Variants in TENM3 observed in about 807,000 individuals in gnomAD.
TENM3 encodes teneurin transmembrane protein 3, also known as teneurin-3.
TENM3 carries 63 observed loss-of-function variants against 255.1 expected under a neutral mutation model. That is an observed-to-expected ratio of 0.25 (90% confidence interval 0.20 to 0.30). TENM3 has a LOEUF of 0.30. TENM3 is among the 10% of genes least tolerant of loss of function. The pLI is 1.00. For synonymous variants in TENM3, 1,306 were observed against 1,322.3 expected (o/e 0.99, Z 0.27); for missense variants, 2,929 against 3,461.1 (o/e 0.85, Z 3.86).
intron 1 of TENM3, chr4:182,144,760 T>TGCG (rs1263155597): frequency 1.4e-5 from 2 of 146,882 alleles, no homozygotes; most frequent in Non-Finnish European, 3.0e-5. Flanking sequence ...GCGCGGTAAG[T>TGCG]GCGGCGCCGC....
intron 1 of TENM3, among the ~76,000 whole-genome samples, chr4:182,321,390 C>T (rs1267297851): frequency 6.6e-6 from 1 of 152,070 alleles, no homozygotes; most frequent in Non-Finnish European, 1.5e-5. Flanking sequence ...CTTTGAGAGG[C>T]CAAGGCAGGT....
chr4:181,863,008 C>T, the TENM3 span, among the ~76,000 whole-genome samples: 38 of 152,074 alleles, frequency 2.5e-4, no homozygotes, highest in Non-Finnish European at 4.4e-4. Context: ...TTCACAAATA[C>T]GCATGAAAAA....
chr4:182,370,098 A>G (rs1473012182), intron 3 of TENM3, among the ~76,000 whole-genome samples: 2 of 152,198 alleles, frequency 1.3e-5, no homozygotes, highest in Non-Finnish European at 2.9e-5. Flanking sequence ...TAAGACTACA[A>G]AGCTAATTTT....
chr4:182,031,391 C>T, the TENM3 span, among the ~76,000 whole-genome samples: 1 of 152,162 alleles, frequency 6.6e-6, no homozygotes, highest in African/African-American at 2.4e-5. Context: ...TCTGAGTTCT[C>T]TTTTCTGTTC....
chr4:181,626,083 A>G, the TENM3 span, among the ~76,000 whole-genome samples: 248 of 152,332 alleles, frequency 1.6e-3, 3 homozygotes, highest in Non-Finnish European at 1.2e-3. Flanking sequence ...TAACTTTGCA[A>G]AACTTTGCCA....
intron 22 of TENM3, among the ~76,000 whole-genome samples, chr4:182,771,534 T>C (rs371107702): frequency 5.3e-5 from 8 of 151,612 alleles, no homozygotes; most frequent in African/African-American, 1.5e-4. Context: ...AGAATTCTCC[T>C]ATGTAGAGGC....
At chr4:182,724,276 A>G (rs182588403) in intron 13 of TENM3, among the ~76,000 whole-genome samples, 5 of 152,356 alleles carry the variant, frequency 3.3e-5, no homozygotes, top group Admixed American at 1.3e-4. Flanking sequence ...TTGAGAAGCT[A>G]TTCCACAAAG....
intron 2 of TENM3, among the ~76,000 whole-genome samples, chr4:182,327,965 T>G (rs1763516442): frequency 6.6e-6 from 1 of 152,272 alleles, no homozygotes; most frequent in African/African-American, 2.4e-5. Context: ...GACCAAACAC[T>G]TATCAATTCC....
At chr4:182,762,566 T>C (rs539239658) in intron 22 of TENM3, among the ~76,000 whole-genome samples, 1 of 152,346 alleles carries the variant, frequency 6.6e-6, no homozygotes, top group African/African-American at 2.4e-5. Context: ...CATCTGTGGC[T>C]CATTCCTCTG....
At chr4:182,450,960 ACC>A (rs1307215851) in intron 3 of TENM3, among the ~76,000 whole-genome samples, 2 of 152,200 alleles carry the variant, frequency 1.3e-5, no homozygotes, top group Non-Finnish European at 2.9e-5. Flanking sequence ...TAGTTTCTTA[ACC>A]TGTTGTATTG....
chr4:182,508,715 A>T (rs1019582909), intron 3 of TENM3, among the ~76,000 whole-genome samples: 5 of 152,210 alleles, frequency 3.3e-5, no homozygotes, highest in Non-Finnish European at 7.3e-5. Flanking sequence ...GTGCAGTTAA[A>T]TAAATGATGA....
the TENM3 span, among the ~76,000 whole-genome samples, chr4:181,993,044 A>G: frequency 1.3e-5 from 2 of 152,134 alleles, no homozygotes; most frequent in African/African-American, 2.4e-5. Context: ...ATGATGTTAG[A>G]CACCAGCATT....
At chr4:181,486,574 G>A in the TENM3 span, among the ~76,000 whole-genome samples, 3 of 152,290 alleles carry the variant, frequency 2.0e-5, no homozygotes, top group East Asian at 5.8e-4. Context: ...AATAGGACAA[G>A]TTAGGTCTTT....
intron 11 of TENM3, among the ~76,000 whole-genome samples, chr4:182,683,056 A>G (rs1756295857): frequency 6.6e-6 from 1 of 152,176 alleles, no homozygotes; most frequent in Non-Finnish European, 1.5e-5. Context: ...GGGTAAGGGT[A>G]TAATTTTTGG....
At chr4:181,748,070 A>G in the TENM3 span, among the ~76,000 whole-genome samples, 2 of 151,882 alleles carry the variant, frequency 1.3e-5, no homozygotes, top group Non-Finnish European at 2.9e-5. Context: ...CTCCTTATTT[A>G]CTGCTTTCTC....
intron 5 of TENM3, among the ~76,000 whole-genome samples, chr4:182,633,997 T>C (rs1178561267): frequency 6.6e-6 from 1 of 152,174 alleles, no homozygotes; most frequent in East Asian, 1.9e-4. Context: ...ATGCACGTCC[T>C]GATTTAGCAG....
At chr4:181,795,882 G>A in the TENM3 span, among the ~76,000 whole-genome samples, 3 of 152,142 alleles carry the variant, frequency 2.0e-5, no homozygotes, top group African/African-American at 7.2e-5. Flanking sequence ...GTTTTAGATA[G>A]ATGTCTCTGG....
At chr4:181,827,531 A>G in the TENM3 span, among the ~76,000 whole-genome samples, 3 of 152,252 alleles carry the variant, frequency 2.0e-5, no homozygotes, top group South Asian at 6.2e-4. Context: ...ACATGCAACA[A>G]ATTCTTTGTT....
At chr4:182,089,176 A>G in the TENM3 span, among the ~76,000 whole-genome samples, 2 of 152,230 alleles carry the variant, frequency 1.3e-5, no homozygotes, top group Non-Finnish European at 1.5e-5. Flanking sequence ...TCTGTTGTGT[A>G]TAATCCACCC....
Sources: gnomAD v4.1 joint callset for allele counts (sites outside exome capture counted in the v4.1 genomes callset) on GRCh38, gnomAD v4.1.1 for gene constraint, MANE v1.5 for transcripts, NCBI Gene and HGNC (gene_info 2026-07-23, HGNC 2026-07-21) for gene names.